UNC5D: variants seen among roughly 807,000 people sequenced by gnomAD.
UNC5D encodes unc-5 netrin receptor D.
Under a neutral mutation model 105.4 loss-of-function variants are expected in UNC5D, and 39 were observed. The observed-to-expected ratio is 0.37, with a 90% CI of 0.29 to 0.48. The LOEUF (loss-of-function observed/expected upper bound fraction) is 0.48, where lower values mean the gene tolerates loss of function less well. UNC5D is among the 20% of genes least tolerant of loss of function. The probability of loss-of-function intolerance (pLI) is 0.98; values close to 1 mark genes in which losing one functional copy is unlikely to be tolerated. For synonymous variants in UNC5D, 452 were observed against 450.4 expected, an observed-to-expected ratio of 1.00 and a Z score of -0.04; for missense variants, 991 against 1,202.4, an observed-to-expected ratio of 0.82 and a Z score of 2.60.
At chr8:35,535,710 T>C (rs1814785364) in intron 1 of UNC5D, among the ~76,000 whole-genome samples, 1 of 151,950 alleles carries the variant, frequency 6.6e-6, no homozygotes, top group Admixed American at 6.6e-5. Context: ...TCTAGCAGTT[T>C]CTCCCTCACA....
At chr8:35,255,535 A>C (rs999213371) in intron 1 of UNC5D, 2 of 152,052 alleles carry the variant, frequency 1.3e-5, no homozygotes, top group African/African-American at 4.8e-5. Flanking sequence ...TATTTATTTA[A>C]TCTCCCAAAA....
intron 9 of UNC5D, chr8:35,724,387 G>T: frequency 1.5e-6 from 2 of 1,358,760 alleles, no homozygotes; most frequent in South Asian, 1.5e-5. Flanking sequence ...ATCCGTTTTT[G>T]AGCAATACAT....
chr8:35,787,367 C>A (rs1013498503), intron 16 of UNC5D, among the ~76,000 whole-genome samples: 3 of 152,096 alleles, frequency 2.0e-5, no homozygotes, highest in African/African-American at 7.2e-5. Flanking sequence ...TTTACCCATG[C>A]TAGAAACAAA....
intron 14 of UNC5D, among the ~76,000 whole-genome samples, chr8:35,761,370 G>C (rs1028364701): frequency 9.9e-5 from 15 of 152,114 alleles, no homozygotes; most frequent in Non-Finnish European, 2.1e-4. Flanking sequence ...CTTGCAGCAT[G>C]ACTTAAACAA....
rs577663684 is a variant in UNC5D, at chr8:35,726,071, C to T, written c.1304-81C>T. On this transcript the variant is annotated intron_variant, in intron 9 of 16. Coordinates refer to ENST00000404895, the MANE Select transcript of UNC5D (RefSeq NM_080872.4). The stretch of plus-strand genomic sequence containing the variant: ...CTGCTGGCACCTATGCAGGCTGTTG[C>T]GCAGTTTGCAGAGGCAGAAGTACAG... The T allele has an allele frequency of 8.0e-5, 121 of 1,514,008 alleles. 1 individual carries two copies. The highest frequency in any genetic ancestry group is 9.2e-5 in the Non-Finnish European group (104 of 1,130,846). The allele number at this position is 1,514,008 out of a possible 1,614,324, so 93.8% of individuals were successfully genotyped here.
At chr8:35,552,372 A>C (rs868394952) in intron 2 of UNC5D, among the ~76,000 whole-genome samples, 4 of 152,204 alleles carry the variant, frequency 2.6e-5, no homozygotes, top group South Asian at 4.1e-4. Context: ...AGATTTCTAT[A>C]CTTTTCTCCC....
chr8:35,677,021 C>T (rs569371730), intron 4 of UNC5D, among the ~76,000 whole-genome samples: 6 of 151,566 alleles, frequency 4.0e-5, no homozygotes, highest in African/African-American at 1.2e-4. Flanking sequence ...AAGATCTGAC[C>T]ACACTGTGCC....
intron 11 of UNC5D, among the ~76,000 whole-genome samples, chr8:35,743,561 G>A (rs997606004): frequency 6.6e-5 from 10 of 151,082 alleles, no homozygotes; most frequent in Admixed American, 3.3e-4. Context: ...TTACAGACAT[G>A]AGCCACCATG....
chr8:35,283,278 A>T (rs1476518964), intron 1 of UNC5D, among the ~76,000 whole-genome samples: 1 of 152,192 alleles, frequency 6.6e-6, no homozygotes, highest in Non-Finnish European at 1.5e-5. Flanking sequence ...CAAATACAAG[A>T]GTTGATTTCT....
At chr8:35,736,979 C>T (rs1829500912) in intron 11 of UNC5D, among the ~76,000 whole-genome samples, 2 of 152,214 alleles carry the variant, frequency 1.3e-5, no homozygotes, top group Admixed American at 6.5e-5. Flanking sequence ...TGTTTCATCT[C>T]CACCAATATT....
intron 11 of UNC5D, among the ~76,000 whole-genome samples, chr8:35,734,063 G>A (rs1403507813): frequency 6.6e-6 from 1 of 151,890 alleles, no homozygotes; most frequent in East Asian, 1.9e-4. Context: ...TGTAGCCCAG[G>A]CCTTGCCACA....
intron 13 of UNC5D, among the ~76,000 whole-genome samples, chr8:35,752,897 T>A (rs1277326694): frequency 6.6e-6 from 1 of 152,190 alleles, no homozygotes; most frequent in Non-Finnish European, 1.5e-5. Flanking sequence ...AGATAACCCA[T>A]TGCTGACTAC....
chr8:35,255,273 A>G (rs1803997682), intron 1 of UNC5D: 1 of 152,172 alleles, frequency 6.6e-6, no homozygotes, highest in African/African-American at 2.4e-5. Flanking sequence ...GCTTTGGATA[A>G]TGTCAAAATA....
intron 3 of UNC5D, among the ~76,000 whole-genome samples, chr8:35,574,757 C>G (rs1817978246): frequency 6.6e-6 from 1 of 152,150 alleles, no homozygotes; most frequent in Non-Finnish European, 1.5e-5. Context: ...TGTACATTTC[C>G]ATTCTTATCT....
chr8:35,774,948 C>G (rs1802177458), intron 16 of UNC5D, among the ~76,000 whole-genome samples: 1 of 130,034 alleles, frequency 7.7e-6, no homozygotes, highest in Admixed American at 7.1e-5. Context: ...AAAAGACACT[C>G]TGTGTGACAT....
chr8:35,710,041 TGACATGACCTAATATATTCAAG>T (rs774123394), intron 8 of UNC5D, among the ~76,000 whole-genome samples: 1 of 152,156 alleles, frequency 6.6e-6, no homozygotes, highest in Non-Finnish European at 1.5e-5. Context: ...TTATTTAGAG[TGACATGACCTAATATATTCAAG>T]GAAAAGCTCT....
chr8:35,548,851 C>A (rs1380477728), intron 1 of UNC5D, among the ~76,000 whole-genome samples: 4 of 152,130 alleles, frequency 2.6e-5, no homozygotes, highest in Non-Finnish European at 5.9e-5. Flanking sequence ...GGCTGAGTAT[C>A]CTCTGTTATC....
chr8:35,711,359 T>C (rs1827955248), intron 8 of UNC5D, among the ~76,000 whole-genome samples: 1 of 152,036 alleles, frequency 6.6e-6, no homozygotes, highest in Non-Finnish European at 1.5e-5. Flanking sequence ...TTTGTATTTT[T>C]AATAAAGACG....
At chr8:35,241,630 G>T (rs148094088) in intron 1 of UNC5D, among the ~76,000 whole-genome samples, 66 of 151,608 alleles carry the variant, frequency 4.4e-4, no homozygotes, top group African/African-American at 1.5e-3. Flanking sequence ...TATATGACCA[G>T]TCTCACTTTT....
Sources: gnomAD v4.1 joint callset for allele counts (sites outside exome capture counted in the v4.1 genomes callset) on GRCh38, gnomAD v4.1.1 for gene constraint, MANE v1.5 for transcripts, NCBI Gene and HGNC (gene_info 2026-07-23, HGNC 2026-07-21) for gene names.